The following LSM5 variants were observed in gnomAD, a reference collection of about 807,000 sequenced individuals.
The protein encoded by LSM5 is U6 snRNA-associated Sm-like protein LSm5.
Under a neutral mutation model 13.8 loss-of-function variants are expected in LSM5, and 8 were observed. The ratio of observed to expected loss-of-function variants is 0.58; its 90% CI spans 0.34 to 1.04. The LOEUF is 1.04. Ranked by LOEUF, LSM5 falls within the 50% of genes least tolerant of loss-of-function variation. The pLI, the probability that LSM5 is intolerant of heterozygous loss-of-function variation, is 0.03. For synonymous variants in LSM5, 35 were observed against 37.0 expected (o/e 0.95, Z 0.20); for missense variants, 80 against 108.1 (o/e 0.74, Z 1.15).
chr7:32,493,812 A>T (rs1786652926), upstream of LSM5, among the ~76,000 whole-genome samples: 1 of 151,100 alleles, frequency 6.6e-6, no homozygotes, highest in Admixed American at 6.6e-5. Flanking sequence ...AAGTGCTGGG[A>T]TTACCAGCAT....
At chr7:32,488,029 G>A in intron 3 of LSM5, 1 of 335,652 alleles carries the variant, frequency 3.0e-6, no homozygotes, top group Non-Finnish European at 5.3e-6. Context: ...AATCAAATAT[G>A]AAATGAAATG....
Position 32,489,427 on chromosome 7 carries a change from G to A in LSM5, c.47-83C>T, listed in dbSNP as rs552681235. 5.1e-4 allele frequency: 390 copies of A among 764,734 alleles called. 3 individuals carry two copies. The highest frequency in any genetic ancestry group is 3.7e-3 in the South Asian group (240 of 64,492). The allele number at this position is 764,734 out of a possible 1,614,324, so 47.4% of individuals were successfully genotyped here. On this transcript the variant is annotated intron_variant, in intron 1 of 4. Transcript: ENST00000450169. The stretch of plus-strand genomic sequence containing the variant: ...CTACTGGCACTCTTACTTGCATATA[G>A]TGAAAGAAAAACCAGGAAAAACATT...
At chr7:32,489,169 C>T (rs1786515164) in intron 2 of LSM5, 80 bp downstream of exon 2, 3 of 686,440 alleles carry the variant, frequency 4.4e-6, no homozygotes, top group Non-Finnish European at 7.6e-6. Flanking sequence ...TTATAATAAT[C>T]ACAAATATAC....
intron 2 of LSM5, among the ~76,000 whole-genome samples, chr7:32,488,969 C>A (rs937282224): frequency 6.6e-6 from 1 of 151,840 alleles, no homozygotes; most frequent in African/African-American, 2.4e-5. Flanking sequence ...AAGCGATCCA[C>A]CCACCTCGCC....
At chr7:32,490,103 G>T (rs1251441677) in intron 1 of LSM5, 2 of 1,521,534 alleles carry the variant, frequency 1.3e-6, no homozygotes, top group South Asian at 2.4e-5. Context: ...TCCAGTGAAG[G>T]TCTGGTTTGA....
At chr7:32,490,391 C>G, upstream of LSM5, 1 of 1,586,376 alleles carries the variant, frequency 6.3e-7, no homozygotes, top group Non-Finnish European at 8.7e-7. Context: ...GGCCTGCCTT[C>G]ATTGATGGTG....
upstream of LSM5, chr7:32,495,039 G>A (rs73297782): frequency 0.046 from 7,004 of 152,222 alleles, 506 homozygotes; most frequent in African/African-American, 0.16. Context: ...AAGGACGGGG[G>A]CCACAGAGGC....
At chr7:32,490,148 C>T in intron 1 of LSM5, 172 bp downstream of exon 1, 2 of 1,543,628 alleles carry the variant, frequency 1.3e-6, no homozygotes, top group South Asian at 2.4e-5. Context: ...AGCCCGACCA[C>T]GTTAAAGAGC....
intron 3 of LSM5, 163 bp downstream of exon 3, chr7:32,488,462 G>A: frequency 1.7e-6 from 1 of 586,924 alleles, no homozygotes; most frequent in Non-Finnish European, 3.1e-6. Flanking sequence ...TTACATTAAG[G>A]TAATAACACT....
intron 3 of LSM5, 186 bp from the exon 4 acceptor site, chr7:32,487,943 A>C: frequency 1.9e-6 from 1 of 535,344 alleles, no homozygotes; most frequent in South Asian, 2.1e-5. Context: ...TAAAAGCAGC[A>C]GAATGAACTC....
chr7:32,487,918 T>C, intron 3 of LSM5, 161 bp from the exon 4 acceptor site: 2 of 558,956 alleles, frequency 3.6e-6, no homozygotes, highest in Non-Finnish European at 6.4e-6. Context: ...ATCCACTAGG[T>C]AATGTAACCT....
At chr7:32,492,527 C>T (rs1384132728), upstream of LSM5, among the ~76,000 whole-genome samples, 1 of 101,766 alleles carries the variant, frequency 9.8e-6, no homozygotes, top group East Asian at 3.6e-4. Context: ...CTCAAAACAA[C>T]AACAACAAAA....
rs1040497224 is a variant in LSM5, at chr7:32,486,460, C to T, written c.*801G>A. On this transcript the variant is annotated 3_prime_UTR_variant, in exon 5 of 5. Coordinates refer to ENST00000450169, the MANE Select transcript of LSM5 (RefSeq NM_012322.3). Reference sequence around the variant, plus strand: ...TGCTTACCTACAATTCTACGATGTGCATATATTACCTGTTTGTTTTTAATA... The same window carrying T: ...TGCTTACCTACAATTCTACGATGTGTATATATTACCTGTTTGTTTTTAATA... 1 of 152,188 alleles carries T rather than the reference C, an allele frequency of 6.6e-6. No homozygotes were observed. The highest frequency in any genetic ancestry group is 2.4e-5 in the African/African-American group (1 of 41,444). The allele number at this position is 152,188 out of a possible 1,614,324, so 9.4% of individuals were successfully genotyped here.
chr7:32,490,556 G>T (rs1786561969), upstream of LSM5: 2 of 606,806 alleles, frequency 3.3e-6, no homozygotes, highest in Admixed American at 5.8e-5. Flanking sequence ...CCTGCCCACT[G>T]GACATTTTAC....
upstream of LSM5, among the ~76,000 whole-genome samples, chr7:32,493,857 CT>C (rs3079776): frequency 8.4e-3 from 1,195 of 141,524 alleles, 17 homozygotes; most frequent in African/African-American, 0.025. Flanking sequence ...TTATATATAT[CT>C]TTTTTTTTTT....
chr7:32,489,836 G>C (rs902890017), intron 1 of LSM5, among the ~76,000 whole-genome samples: 1 of 152,110 alleles, frequency 6.6e-6, no homozygotes, highest in Non-Finnish European at 1.5e-5. Flanking sequence ...GCCCAGGCAC[G>C]GTATCTAGTG....
chr7:32,488,499 T>C, intron 3 of LSM5, 126 bp downstream of exon 3: 1 of 701,068 alleles, frequency 1.4e-6, no homozygotes, highest in Non-Finnish European at 2.5e-6. Flanking sequence ...AGCAAACAGA[T>C]AAAACGTCTA....
chr7:32,487,884 C>T lies in LSM5; in HGVS notation c.171-127G>A, dbSNP rs1256404194. On this transcript the variant is annotated intron_variant, in intron 3 of 4. Transcript: ENST00000450169. ...TTACACTGAGGTTGAGCAATTATAT[C>T]CACAATTTTCAGATACAAAGGTTAT... The T allele has an allele frequency of 5.0e-6, 3 of 601,402 alleles. No homozygotes were observed. In the Admixed American group the frequency reaches 8.5e-5, roughly 17 times the overall value. The allele number at this position is 601,402 out of a possible 1,614,324, so 37.3% of individuals were successfully genotyped here. A position where few individuals can be genotyped will look rare whatever the true frequency, so the allele number is the denominator to read the frequency against.
rs1050186256 is a variant in LSM5, at chr7:32,486,827, T to C, written c.*434A>G. On this transcript the variant is annotated 3_prime_UTR_variant, in exon 5 of 5. Coordinates refer to ENST00000450169, the MANE Select transcript of LSM5 (RefSeq NM_012322.3). Reference sequence around the variant, plus strand: ...TCATTACAAAACAACAGCATTTTAATTGAATTTTCTAAGTGATCATTTCCG... The same window carrying C: ...TCATTACAAAACAACAGCATTTTAACTGAATTTTCTAAGTGATCATTTCCG... 2.2e-5 allele frequency: 4 copies of C among 182,442 alleles called. No homozygotes were observed. Among genetic ancestry groups the C allele is most frequent in the East Asian group, 1.8e-4 (1 of 5,586 alleles). 11.3% of individuals were successfully genotyped at this position (182,442 alleles called of 1,614,324 possible).
Sources: gnomAD v4.1 joint callset for allele counts (sites outside exome capture counted in the v4.1 genomes callset) on GRCh38, gnomAD v4.1.1 for gene constraint, MANE v1.5 for transcripts, NCBI Gene and HGNC (gene_info 2026-07-23, HGNC 2026-07-21) for gene names.